GOPC: variants seen among roughly 807,000 people sequenced by gnomAD.
The protein encoded by GOPC is golgi associated PDZ and coiled-coil motif containing.
GOPC carries 32 observed loss-of-function variants against 51.2 expected under a neutral mutation model. The observed-to-expected ratio is 0.63, with a 90% confidence interval of 0.47 to 0.84. The LOEUF (loss-of-function observed/expected upper bound fraction) is 0.84, where lower values mean the gene tolerates loss of function less well. Ranked by LOEUF, GOPC falls within the 40% of genes least tolerant of loss-of-function variation. The pLI is 0.00. For missense variants in GOPC, 441 were observed against 555.5 expected (o/e 0.79, Z 2.07); for synonymous variants, 190 against 205.1 (o/e 0.93, Z 0.63).
At chr6:117,572,227 G>A (rs1013141393) in intron 5 of GOPC, among the ~76,000 whole-genome samples, 3 of 151,964 alleles carry the variant, frequency 2.0e-5, no homozygotes, top group Non-Finnish European at 4.4e-5. Context: ...CCCAGTGAAT[G>A]CCAGATCTCA....
intron 1 of GOPC, among the ~76,000 whole-genome samples, chr6:117,580,921 G>A (rs1163225433): frequency 6.6e-6 from 1 of 152,142 alleles, no homozygotes; most frequent in Non-Finnish European, 1.5e-5. Context: ...TACAGTGGAT[G>A]TGCAATGGAA....
rs1229048644 is a variant in GOPC at position 117,578,891 on chromosome 6, A to G, written c.450+9T>C. ...CATGCAAGGGCATGTCACTCTCTAA[A>G]CTACTTACCAATTTTGCCTTAATGG... On this transcript the variant is annotated intron_variant, in intron 2 of 8. Coordinates refer to ENST00000368498, the MANE Select transcript of GOPC (RefSeq NM_020399.4). The G allele has an allele frequency of 6.4e-7, 1 of 1,572,304 alleles. No homozygotes were observed. The highest frequency in any genetic ancestry group is 8.6e-7 in the Non-Finnish European group (1 of 1,158,862).
intron 1 of GOPC, among the ~76,000 whole-genome samples, chr6:117,590,724 A>T (rs184583555): frequency 6.6e-6 from 1 of 152,282 alleles, no homozygotes; most frequent in East Asian, 1.9e-4. Flanking sequence ...TTGAATGGAG[A>T]TCTGCTAATA....
At chr6:117,579,129 T>C in intron 1 of GOPC, 65 bp from the exon 2 acceptor site, 1 of 1,306,044 alleles carries the variant, frequency 7.7e-7, no homozygotes, top group African/African-American at 1.5e-5. Context: ...CTAATAATTG[T>C]TATTCAAGAA....
At chr6:117,594,563 A>G (rs76960287) in intron 1 of GOPC, among the ~76,000 whole-genome samples, 5,426 of 152,288 alleles carry the variant, frequency 0.036, 128 homozygotes, top group Non-Finnish European at 0.051. Context: ...TAAGTGCCCA[A>G]TACAGCATCT....
At chr6:117,587,734 C>CTG (rs1469745600) in intron 1 of GOPC, among the ~76,000 whole-genome samples, 11 of 152,114 alleles carry the variant, frequency 7.2e-5, no homozygotes, top group African/African-American at 2.7e-4. Context: ...ACTATGTTGA[C>CTG]ATACTGAAGG....
At chr6:117,582,518 C>A (rs1022642442) in intron 1 of GOPC, among the ~76,000 whole-genome samples, 2 of 151,438 alleles carry the variant, frequency 1.3e-5, no homozygotes, top group South Asian at 2.1e-4. Context: ...CCCTGCCCCC[C>A]ATCCTGTGCC....
chr6:117,572,115 T>C (rs908131711), intron 5 of GOPC, among the ~76,000 whole-genome samples: 2 of 152,186 alleles, frequency 1.3e-5, no homozygotes, highest in Non-Finnish European at 2.9e-5. Flanking sequence ...ATATGTCCAG[T>C]TGGATGTATC....
Position 117,602,092 on chromosome 6 carries a change from C to T in GOPC, c.197G>A (p.Gly66Glu). 1 of 1,614,176 alleles carries T rather than the reference C, an allele frequency of 6.2e-7. No individual in the cohort carries two copies. Among genetic ancestry groups the T allele is most frequent in the Non-Finnish European group, 8.5e-7 (1 of 1,180,028 alleles). Residue 66 changes from glycine to glutamate, a missense_variant, in exon 1 of 9, where the codon GGG becomes GAG. Around this residue, in one of 3 missense-constraint regions of GOPC, gnomAD observed 204 missense variants for 219.8 expected, o/e 0.93. Coordinates refer to ENST00000368498, the MANE Select transcript of GOPC (RefSeq NM_020399.4). ...DPDQADITYEGRQKMTSLSSC... is the reference protein window; with the variant it reads ...DPDQADITYEERQKMTSLSSC... ...GCTCAGGCTGGTCATCTTCTGTCGC[C>T]CCTCATAAGTGATGTCCGCTTGGTC...
In GOPC at chr6:117,579,010, C is replaced by T; in HGVS notation, c.340G>A (p.Val114Ile). 5 of 1,611,214 alleles carry T rather than the reference C, an allele frequency of 3.1e-6. No homozygotes were observed. Among genetic ancestry groups the T allele is most frequent in the Non-Finnish European group, 4.2e-6 (5 of 1,178,816 alleles). ...TGATCATGTACTTCTTTCTCCAAAA[C>T]AACTTTCTCTGCTTGGGTTTCTGTC... ...ELTETQAEKV[V>I]LEKEVHDQLL... Residue 114 changes from valine (V) to isoleucine (I), a missense_variant, in exon 2 of 9, where the codon GTT becomes ATT. By Grantham distance (29) the Val-to-Ile change is conservative. Around this residue, in one of 3 missense-constraint regions of GOPC, gnomAD observed 204 missense variants for 219.8 expected, o/e 0.93. Transcript: ENST00000368498.
intron 8 of GOPC, among the ~76,000 whole-genome samples, chr6:117,566,244 A>G (rs968361613): frequency 3.3e-5 from 5 of 152,192 alleles, no homozygotes; most frequent in Non-Finnish European, 7.4e-5. Context: ...ATGTCTTAGT[A>G]TTATTATGAA....
intron 6 of GOPC, 121 bp downstream of exon 6, chr6:117,570,722 ACATTTATCCCCATGGGG>A: frequency 4.9e-6 from 2 of 408,756 alleles, no homozygotes; most frequent in Non-Finnish European, 8.7e-6. Flanking sequence ...ACAAAAGCAA[ACATTTATCCCCATGGGG>A]ATAAATTTTA....
intron 1 of GOPC, among the ~76,000 whole-genome samples, chr6:117,598,217 T>C (rs1202590859): frequency 8.4e-6 from 1 of 119,310 alleles, no homozygotes. Context: ...AAAAATAAAA[T>C]AGAAAAATTA....
Position 117,562,111 on chromosome 6 carries a change from C to A in GOPC, c.*1143G>T, listed in dbSNP as rs1779595566. ...TACAATGACCTGCAGAATATTAAATCAGAGAGGAGGCACTCCATGTTTAAT... is the reference window on the plus strand; with the variant it reads ...TACAATGACCTGCAGAATATTAAATAAGAGAGGAGGCACTCCATGTTTAAT... On this transcript the variant is annotated 3_prime_UTR_variant, in exon 9 of 9. Coordinates refer to ENST00000368498, the MANE Select transcript of GOPC (RefSeq NM_020399.4). 1 of 206,462 alleles carries A rather than the reference C, an allele frequency of 4.8e-6. No homozygotes were observed. The highest frequency in any genetic ancestry group is 1.9e-4 in the South Asian group (1 of 5,336). The allele number at this position is 206,462 out of a possible 1,614,324, so 12.8% of individuals were successfully genotyped here.
chr6:117,564,224 C>G (rs907004743), intron 8 of GOPC, among the ~76,000 whole-genome samples: 3 of 152,140 alleles, frequency 2.0e-5, no homozygotes, highest in South Asian at 4.1e-4. Flanking sequence ...GATCCTCCTG[C>G]CTTGGCCTCC....
intron 1 of GOPC, among the ~76,000 whole-genome samples, chr6:117,589,759 A>G (rs567890300): frequency 6.6e-6 from 1 of 152,354 alleles, no homozygotes; most frequent in South Asian, 2.1e-4. Context: ...GATCCAATCA[A>G]TAAAAAATGT....
chr6:117,571,001 C>T (rs758569715), intron 5 of GOPC, 46 bp from the exon 6 acceptor site: 6 of 931,902 alleles, frequency 6.4e-6, no homozygotes, highest in Non-Finnish European at 8.5e-6. Context: ...ATTTAAATAG[C>T]ATACCAAATA....
chr6:117,569,275 TA>T (rs1223547387), intron 7 of GOPC, among the ~76,000 whole-genome samples: 6 of 152,224 alleles, frequency 3.9e-5, no homozygotes, highest in African/African-American at 1.4e-4. Context: ...CTGAGTACTT[TA>T]TATGTATTAA....
intron 1 of GOPC, among the ~76,000 whole-genome samples, chr6:117,601,730 G>A (rs1304054130): frequency 6.6e-6 from 1 of 152,184 alleles, no homozygotes; most frequent in Non-Finnish European, 1.5e-5. Flanking sequence ...GTTTGTTAAT[G>A]TAACATGTGC....
Sources: gnomAD v4.1 joint callset for allele counts (sites outside exome capture counted in the v4.1 genomes callset) on GRCh38, gnomAD v4.1.1 for gene constraint, gnomAD v4.1.1 regional missense constraint, MANE v1.5 for transcripts, NCBI Gene and HGNC (gene_info 2026-07-23, HGNC 2026-07-21) for gene names.